The following EYS variants were observed in gnomAD, a reference collection of about 807,000 sequenced individuals.
EYS encodes EGF-like photoreceptor maintenance factor, also known as protein eyes shut homolog.
Under a neutral mutation model 282.1 loss-of-function variants are expected in EYS, and 250 were observed. The ratio of observed to expected loss-of-function variants is 0.89; its 90% CI spans 0.80 to 0.98. The LOEUF is 0.98. Among genes scored for constraint, EYS ranks in the 50% least tolerant of loss-of-function variants. The pLI is 0.00. For synonymous variants in EYS, 1,355 were observed against 1,282.9 expected, an observed-to-expected ratio of 1.06 and a Z score of -1.20; for missense variants, 4,016 against 3,709.0, an observed-to-expected ratio of 1.08 and a Z score of -2.15.
At chr6:64,800,747 A>G (rs1774516101) in intron 22 of EYS, among the ~76,000 whole-genome samples, 1 of 152,042 alleles carries the variant, frequency 6.6e-6, no homozygotes, top group Admixed American at 6.6e-5. Context: ...TTTTACTTAA[A>G]AAATAAAAAT....
chr6:64,566,786 A>G (rs78079767), intron 26 of EYS, among the ~76,000 whole-genome samples: 2 of 151,920 alleles, frequency 1.3e-5, no homozygotes, highest in Non-Finnish European at 2.9e-5. Context: ...ATATATATAT[A>G]TTTTTAAGAC....
intron 35 of EYS, among the ~76,000 whole-genome samples, chr6:63,886,443 C>T (rs1373819468): frequency 6.6e-6 from 1 of 151,570 alleles, no homozygotes. Flanking sequence ...TGTGTGGCTG[C>T]ATTCCAAAAA....
At chr6:64,877,500 A>G (rs777133468) in intron 19 of EYS, among the ~76,000 whole-genome samples, 3 of 152,224 alleles carry the variant, frequency 2.0e-5, no homozygotes, top group Non-Finnish European at 4.4e-5. Context: ...TATGCGATCC[A>G]CTAATAGTAA....
At chr6:63,933,514 G>A (rs1425914014) in intron 35 of EYS, among the ~76,000 whole-genome samples, 1 of 152,042 alleles carries the variant, frequency 6.6e-6, no homozygotes, top group Non-Finnish European at 1.5e-5. Flanking sequence ...GCCTCTTTTG[G>A]GTTTTTATGG....
intron 12 of EYS, among the ~76,000 whole-genome samples, chr6:65,059,859 T>G (rs1583444775): frequency 6.6e-6 from 1 of 152,096 alleles, no homozygotes; most frequent in Admixed American, 6.6e-5. Context: ...AGGAAAGAAA[T>G]AATGAAATAT....
At chr6:64,617,600 C>T in intron 23 of EYS, 67 bp from the exon 24 acceptor site, 2 of 868,334 alleles carry the variant, frequency 2.3e-6, no homozygotes, top group Non-Finnish European at 1.9e-6. Flanking sequence ...ATGCTAATAG[C>T]CTATATTTAT....
chr6:65,095,569 A>G (rs1774715668), intron 12 of EYS, among the ~76,000 whole-genome samples: 1 of 151,240 alleles, frequency 6.6e-6, no homozygotes, highest in South Asian at 2.1e-4. Context: ...AATTTTACTT[A>G]TCAATAAAGT....
intron 15 of EYS, among the ~76,000 whole-genome samples, chr6:64,932,006 T>C (rs531974784): frequency 6.6e-6 from 1 of 152,184 alleles, no homozygotes; most frequent in African/African-American, 2.4e-5. Context: ...TAAAAGAAAC[T>C]TGTACATTGA....
intron 30 of EYS, among the ~76,000 whole-genome samples, chr6:64,284,375 T>G (rs1477476227): frequency 2.0e-5 from 3 of 152,200 alleles, no homozygotes; most frequent in Non-Finnish European, 2.9e-5. Flanking sequence ...CAGGTCATGC[T>G]GATATAAGAG....
At chr6:63,727,523 G>A (rs1482460425) in intron 41 of EYS, among the ~76,000 whole-genome samples, 1 of 149,770 alleles carries the variant, frequency 6.7e-6, no homozygotes, top group African/African-American at 2.5e-5. Context: ...ACCTGATCGT[G>A]TTGCCAAGAA....
rs537908666 is a variant in EYS at position 65,655,151 on chromosome 6, TA to T, written c.-447-15260del. Among the ~76,000 whole-genome samples the T allele has an allele frequency of 2.4e-4, 37 of 151,796 alleles. No individual in the cohort carries two copies. The South Asian group carries it at 7.7e-3, about 31-fold the overall frequency. On this transcript the variant is annotated intron_variant, in intron 1 of 42. Coordinates refer to ENST00000503581, the MANE Select transcript of EYS (RefSeq NM_001142800.2). ...ATACAAATGAAATTGGATTTAGAGATAAGTTTCTGGATGACATTGAAAACTC... is the reference window on the plus strand; with the variant it reads ...ATACAAATGAAATTGGATTTAGAGATAGTTTCTGGATGACATTGAAAACTC...
At chr6:63,738,031 A>T (rs1201384452) in intron 41 of EYS, among the ~76,000 whole-genome samples, 1 of 152,186 alleles carries the variant, frequency 6.6e-6, no homozygotes, top group African/African-American at 2.4e-5. Flanking sequence ...TCAAAACCAC[A>T]ATGAGATATC....
chr6:64,879,826 T>A (rs1269079623), intron 19 of EYS, among the ~76,000 whole-genome samples: 1 of 152,014 alleles, frequency 6.6e-6, no homozygotes, highest in Non-Finnish European at 1.5e-5. Context: ...GTTTTAATTA[T>A]CCATAGAAAC....
At chr6:64,402,304 AAAAT>A (rs1222270630) in intron 28 of EYS, among the ~76,000 whole-genome samples, 1 of 152,168 alleles carries the variant, frequency 6.6e-6, no homozygotes, top group Non-Finnish European at 1.5e-5. Flanking sequence ...CTCCAGTAAA[AAAAT>A]AACCTCTCAA....
intron 36 of EYS, among the ~76,000 whole-genome samples, chr6:63,831,248 C>T (rs1007737057): frequency 1.8e-4 from 27 of 151,906 alleles, no homozygotes; most frequent in African/African-American, 5.8e-4. Flanking sequence ...GGCTAAATGC[C>T]CCAATTAAAA....
chr6:64,998,694 C>T (rs528453276), intron 13 of EYS, among the ~76,000 whole-genome samples: 2 of 152,130 alleles, frequency 1.3e-5, no homozygotes, highest in Non-Finnish European at 2.9e-5. Context: ...TCATTGACTA[C>T]AAATTGTTAA....
At chr6:65,184,750 A>G (rs188468559) in intron 12 of EYS, among the ~76,000 whole-genome samples, 1 of 151,792 alleles carries the variant, frequency 6.6e-6, no homozygotes, top group Admixed American at 6.6e-5. Flanking sequence ...CTCTGGAAAA[A>G]AGTCTAAAAA....
At chr6:65,376,627 C>T (rs983810621) in intron 8 of EYS, among the ~76,000 whole-genome samples, 11 of 152,090 alleles carry the variant, frequency 7.2e-5, no homozygotes, top group Non-Finnish European at 2.9e-5. Flanking sequence ...ATTCAGAAGA[C>T]CCATCTCATA....
At chr6:64,175,848 A>G (rs1386995962) in intron 31 of EYS, among the ~76,000 whole-genome samples, 1 of 151,928 alleles carries the variant, frequency 6.6e-6, no homozygotes, top group Admixed American at 6.6e-5. Flanking sequence ...AAAATGGGGT[A>G]TATATCAGGA....
Sources: allele counts gnomAD v4.1 joint callset (sites outside exome capture counted in the v4.1 genomes callset), GRCh38; gene constraint gnomAD v4.1.1; transcripts MANE v1.5; gene names NCBI Gene and HGNC (gene_info 2026-07-23, HGNC 2026-07-21).